MTMR3: variants seen among roughly 807,000 people sequenced by gnomAD.
The protein encoded by MTMR3 is phosphatidylinositol-3,5-bisphosphate 3-phosphatase MTMR3.
Under a neutral mutation model 132.4 loss-of-function variants are expected in MTMR3, and 32 were observed. That is an observed-to-expected ratio of 0.24 (90% CI 0.18 to 0.32). MTMR3 has a LOEUF of 0.32. Among genes scored for constraint, MTMR3 ranks in the 10% least tolerant of loss-of-function variants. The pLI is 1.00. For synonymous variants in MTMR3, 556 were observed against 550.3 expected (o/e 1.01, Z -0.14); for missense variants, 1,216 against 1,489.6 (o/e 0.82, Z 3.02).
intron 10 of MTMR3, chr22:30,007,604 C>A: frequency 1.8e-6 from 1 of 554,402 alleles, no homozygotes; most frequent in Non-Finnish European, 3.2e-6. Flanking sequence ...CAGACCATGG[C>A]AGGAAATGCC....
At chr22:29,906,537 T>C (rs911647991) in intron 1 of MTMR3, among the ~76,000 whole-genome samples, 7 of 151,848 alleles carry the variant, frequency 4.6e-5, no homozygotes, top group African/African-American at 7.3e-5. Flanking sequence ...AGTTTCACCA[T>C]GTTGGCCAGG....
rs57853762 is a variant in MTMR3 at position 29,967,917 on chromosome 22, CTGTG to C, written c.-84-3033_-84-3030del. On this transcript the variant is annotated intron_variant, in intron 2 of 19. Transcript: ENST00000401950. ...TTGCTGGATAACTCCATTATATATA[CTGTG>C]TGTGTGTGTGTGTGTGTGTGTGTGT... is the stretch of plus-strand genomic sequence containing the variant. 3.9e-3 allele frequency among the ~76,000 whole-genome samples: 578 copies of C among 148,368 alleles called. 7 individuals are homozygous for C. The highest frequency in any genetic ancestry group is 0.01 in the African/African-American group (410 of 40,226).
intron 14 of MTMR3, chr22:30,014,652 G>A (rs1395822006): frequency 3.3e-5 from 5 of 152,040 alleles, no homozygotes; most frequent in Non-Finnish European, 7.3e-5. Flanking sequence ...GGGACCACAG[G>A]CACATGCCAA....
chr22:29,967,194 TGTGTGTGTGTGTG>T (rs1569028389), intron 2 of MTMR3, among the ~76,000 whole-genome samples: 2 of 1,838 alleles, frequency 1.1e-3, no homozygotes, highest in African/African-American at 2.6e-3. Flanking sequence ...TCACCTCTGT[TGTGTGTGTGTGTG>T]TGTGTGTGTG....
chr22:29,971,034 TCTC>T lies in MTMR3; in HGVS notation c.-20_-18del. On this transcript the variant is annotated 5_prime_UTR_variant, in exon 3 of 20. Coordinates refer to ENST00000401950, the MANE Select transcript of MTMR3 (RefSeq NM_021090.4). ...GGACACTGAAGAAGGGACGGGGATT[TCTC>T]CTCCTAATCTGGGCCTCTTGTCATG... 1.3e-6 allele frequency: 2 copies of T among 1,591,694 alleles called. No homozygotes were observed. The highest frequency in any genetic ancestry group is 1.7e-6 in the Non-Finnish European group (2 of 1,170,668).
rs796627256 is a variant in MTMR3 at position 29,929,596 on chromosome 22, G to A, written c.-137-27440G>A. On this transcript the variant is annotated intron_variant, in intron 1 of 19. Transcript: ENST00000401950. ...GCAATCTCGGCTCACTGCAACCTCC[G>A]CCTCCCAGGTTCAAGCGATTCTCCT... Among the ~76,000 whole-genome samples, 101 of 151,532 alleles carry A rather than the reference G, an allele frequency of 6.7e-4. 1 individual carries two copies. The highest frequency in any genetic ancestry group is 2.3e-3 in the African/African-American group (94 of 41,352).
chr22:29,954,059 C>CTTTTTT lies in MTMR3; in HGVS notation c.-137-2958_-137-2953dup, dbSNP rs59781649. 5.2e-4 allele frequency among the ~76,000 whole-genome samples: 41 copies of CTTTTTT among 79,428 alleles called. 2 individuals are homozygous for CTTTTTT. Among genetic ancestry groups the CTTTTTT allele is most frequent in the Admixed American group, 7.6e-4 (4 of 5,264 alleles). The allele number at this position is 79,428 out of a possible 152,430, so 52.1% of individuals were successfully genotyped here. ...CCCTTTTTTTTTCTTTCAAATGAGT[C>CTTTTTT]TTTTTTTTTTTTTTTTTTTTTTTTG... On this transcript the variant is annotated intron_variant, in intron 1 of 19. Transcript: ENST00000401950.
At position 30,018,071 on chromosome 22, in the gene MTMR3, C is replaced by T. The variant is rs976261829; in HGVS notation, c.1819C>T (p.Arg607Trp). Residue 607 changes from arginine to tryptophan, a missense_variant and splice_region_variant, in exon 16 of 20, where the codon CGG becomes TGG. Coordinates refer to ENST00000401950, the MANE Select transcript of MTMR3 (RefSeq NM_021090.4). The part of the protein sequence containing the change: ...GTSPDDPPLS[R>W]LPKTRSYDNL... ...CAGCCCTGATGATCCCCCCCTGAGCCGGTGAGCCCAGGGTGATGCCACAGG... is the reference window on the plus strand; with the variant it reads ...CAGCCCTGATGATCCCCCCCTGAGCTGGTGAGCCCAGGGTGATGCCACAGG... 12 of 1,606,264 alleles carry T rather than the reference C, an allele frequency of 7.5e-6. No individual in the cohort carries two copies. The highest frequency in any genetic ancestry group is 1.1e-5 in the South Asian group (1 of 89,910).
intron 14 of MTMR3, chr22:30,013,753 G>T: frequency 4.6e-6 from 2 of 438,782 alleles, no homozygotes; most frequent in Non-Finnish European, 4.0e-6. Context: ...TCCTTGTGTT[G>T]TTTTAAACTT....
rs2067903185 is a variant in MTMR3 at position 30,025,937 on chromosome 22, G to A, written c.*136G>A. ...CTGTACAGAGTGACAGATTTGGGAT[G>A]CACCACTGGATTGTAGATTGATTTT... On this transcript the variant is annotated 3_prime_UTR_variant, in exon 20 of 20. Transcript: ENST00000401950. The A allele has an allele frequency of 2.4e-6, 2 of 827,944 alleles. No individual in the cohort carries two copies. The highest frequency in any genetic ancestry group is 3.4e-5 in the African/African-American group (2 of 59,104). 51.3% of individuals were successfully genotyped at this position (827,944 alleles called of 1,614,324 possible).
intron 5 of MTMR3, chr22:29,986,697 C>G: frequency 1.6e-6 from 1 of 638,738 alleles, no homozygotes; most frequent in Non-Finnish European, 1.9e-6. Context: ...GAGTTTTGCT[C>G]TTGTTGCCCA....
intron 2 of MTMR3, among the ~76,000 whole-genome samples, chr22:29,966,379 G>C (rs1473166026): frequency 1.3e-5 from 2 of 152,110 alleles, no homozygotes; most frequent in East Asian, 3.9e-4. Flanking sequence ...ATATATTGCA[G>C]TTGGTTGACA....
rs947075197 is a variant in MTMR3, at chr22:30,010,682, G to A, written c.1121+1553G>A. The A allele has an allele frequency of 2.0e-5, 3 of 152,164 alleles. No homozygotes were observed. The East Asian group carries it at 5.8e-4, about 29-fold the overall frequency. The allele number at this position is 152,164 out of a possible 1,614,324, so 9.4% of individuals were successfully genotyped here. ...CTGGTATTAAATAATAGTTTAGTTA[G>A]GTTCAAAAGAACCTCACACCGGTTC... On this transcript the variant is annotated intron_variant, in intron 12 of 19. Coordinates refer to ENST00000401950, the MANE Select transcript of MTMR3 (RefSeq NM_021090.4).
At chr22:29,955,482 A>G (rs1041793443) in intron 1 of MTMR3, among the ~76,000 whole-genome samples, 7 of 152,220 alleles carry the variant, frequency 4.6e-5, no homozygotes, top group Non-Finnish European at 5.9e-5. Flanking sequence ...TAGTTAAGCA[A>G]CTTAATAGCA....
intron 1 of MTMR3, among the ~76,000 whole-genome samples, chr22:29,892,189 A>G (rs748224443): frequency 1.3e-5 from 2 of 152,106 alleles, no homozygotes; most frequent in Non-Finnish European, 2.9e-5. Context: ...TGAGAGTCGT[A>G]TCTGCAATAA....
At chr22:29,979,802 A>G (rs2066704833) in intron 5 of MTMR3, 1 of 152,114 alleles carries the variant, frequency 6.6e-6, no homozygotes, top group South Asian at 2.1e-4. Flanking sequence ...TACTCTAATG[A>G]CTCCTTGGTG....
chr22:29,977,558 C>G (rs577694126), intron 3 of MTMR3, among the ~76,000 whole-genome samples: 1 of 152,198 alleles, frequency 6.6e-6, no homozygotes, highest in Non-Finnish European at 1.5e-5. Context: ...AAATTCAGTT[C>G]TTAAGCTTAC....
chr22:29,950,645 G>A (rs932684719), intron 1 of MTMR3, among the ~76,000 whole-genome samples: 21 of 152,000 alleles, frequency 1.4e-4, no homozygotes, highest in African/African-American at 5.1e-4. Context: ...TATAGGCATG[G>A]GCCACCACCA....
intron 1 of MTMR3, among the ~76,000 whole-genome samples, chr22:29,937,947 C>T (rs968460545): frequency 2.0e-5 from 3 of 152,036 alleles, no homozygotes; most frequent in African/African-American, 7.2e-5. Flanking sequence ...ACAGAAAATT[C>T]CAGGCAGCAA....
Sources: gnomAD v4.1 joint callset for allele counts (sites outside exome capture counted in the v4.1 genomes callset) on GRCh38, gnomAD v4.1.1 for gene constraint, MANE v1.5 for transcripts, NCBI Gene and HGNC (gene_info 2026-07-23, HGNC 2026-07-21) for gene names.